Variants in ALAD observed in about 807,000 individuals in gnomAD.
ALAD encodes aminolevulinate dehydratase, also known as delta-aminolevulinic acid dehydratase.
ALAD carries 20 observed loss-of-function variants against 44.4 expected under a neutral mutation model. That is an observed-to-expected ratio of 0.45 (90% confidence interval 0.32 to 0.65). ALAD has a LOEUF of 0.65. Ranked by LOEUF, ALAD falls within the 30% of genes least tolerant of loss-of-function variation. ALAD has a pLI of 0.05. For synonymous variants in ALAD, 156 were observed against 167.9 expected (o/e 0.93, Z 0.55); for missense variants, 323 against 445.7 (o/e 0.72, Z 2.48).
Position 113,391,562 on chromosome 9 carries a change from C to G in ALAD, c.226G>C (p.Val76Leu). 6.2e-7 allele frequency: 1 copy of G among 1,614,142 alleles called. No homozygotes were observed. The highest frequency in any genetic ancestry group is 8.5e-7 in the Non-Finnish European group (1 of 1,180,028). Residue 76 changes from valine (V) to leucine (L), a missense_variant, in exon 4 of 12, where the codon GTC becomes CTC. By Grantham distance (32) the Val-to-Leu change is conservative. Coordinates refer to ENST00000409155, the MANE Select transcript of ALAD (RefSeq NM_000031.6). ...RPLVEEGLRC[V>L]LIFGVPSRVP... Reference sequence around the variant, plus strand: ...CTGCTGGGGACGCCAAAGATCAAGACACAGCGTAGGCCCTCTTCCACCAAG... The same window carrying G: ...CTGCTGGGGACGCCAAAGATCAAGAGACAGCGTAGGCCCTCTTCCACCAAG...
intron 4 of ALAD, 150 bp downstream of exon 4, chr9:113,391,377 G>A (rs990809569): frequency 2.7e-6 from 2 of 736,964 alleles, no homozygotes; most frequent in East Asian, 2.7e-5. Context: ...GCTAACTTTT[G>A]TATTTTTTGT....
At chr9:113,400,980 G>A (rs1163892825) in intron 1 of ALAD, among the ~76,000 whole-genome samples, 2 of 152,170 alleles carry the variant, frequency 1.3e-5, no homozygotes, top group East Asian at 3.9e-4. Context: ...ATCCGAGAGG[G>A]TGAACCCCAG....
intron 1 of ALAD, 91 bp from the exon 2 acceptor site, chr9:113,393,725 C>A: frequency 1.6e-6 from 1 of 624,768 alleles, no homozygotes. Context: ...ATTCCTGCCT[C>A]CCCTCTCTCT....
Position 113,396,085 on chromosome 9 carries a change from A to G in ALAD, c.-75-2451T>C, listed in dbSNP as rs556038322. On this transcript the variant is annotated intron_variant, in intron 1 of 11. Transcript: ENST00000409155. The stretch of plus-strand genomic sequence containing the variant: ...GTGGCACATGCCTGTAATCCCAGCT[A>G]CTTCAGAAGCTGAGATAGGAGAATC... 7.9e-5 allele frequency among the ~76,000 whole-genome samples: 12 copies of G among 152,294 alleles called. No individual in the cohort carries two copies. The East Asian group carries it at 2.1e-3, about 27-fold the overall frequency.
At chr9:113,400,198 G>C (rs563916017) in intron 1 of ALAD, among the ~76,000 whole-genome samples, 9 of 152,286 alleles carry the variant, frequency 5.9e-5, no homozygotes, top group East Asian at 5.8e-4. Context: ...TCAGAGAGGG[G>C]TAGACACAGG....
chr9:113,388,214 A>G lies in ALAD; in HGVS notation c.*86T>C. ...GAAGAGGGCATGAGGGCACAGTTCT[A>G]AAAGCAGCATTTACTTTGGTTTTCA... On this transcript the variant is annotated 3_prime_UTR_variant, in exon 12 of 12. Transcript: ENST00000409155. 7.1e-7 allele frequency: 1 copy of G among 1,416,776 alleles called. No homozygotes were observed. Among genetic ancestry groups the G allele is most frequent in the Non-Finnish European group, 1.0e-6 (1 of 1,000,826 alleles). The allele number at this position is 1,416,776 out of a possible 1,614,324, so 87.8% of individuals were successfully genotyped here.
At chr9:113,392,273 T>C (rs1564373395) in intron 2 of ALAD, 104 bp from the exon 3 acceptor site, 2 of 1,598,526 alleles carry the variant, frequency 1.3e-6, no homozygotes, top group Admixed American at 1.7e-5. Flanking sequence ...AATATGGAAG[T>C]GGAGATGGTG....
rs1004155219 is a variant in ALAD at position 113,401,270 on chromosome 9, T to A, written c.-134A>T. On this transcript the variant is annotated 5_prime_UTR_variant, in exon 1 of 12. Transcript: ENST00000409155. ...GTCACCGCTGTCTCCCGCTCCGGTCTCCCACAGACCGCGTAAGAGCGGGGG... is the reference window on the plus strand; with the variant it reads ...GTCACCGCTGTCTCCCGCTCCGGTCACCCACAGACCGCGTAAGAGCGGGGG... The A allele has an allele frequency of 3.3e-5, 5 of 150,180 alleles. No individual in the cohort carries two copies. Among genetic ancestry groups the A allele is most frequent in the Admixed American group, 3.3e-4 (5 of 15,086 alleles). 9.3% of individuals were successfully genotyped at this position (150,180 alleles called of 1,614,324 possible).
chr9:113,390,329 G>C, intron 7 of ALAD, 76 bp downstream of exon 7: 1 of 1,486,274 alleles, frequency 6.7e-7, no homozygotes, highest in East Asian at 2.3e-5. Context: ...GCAGTTCTGT[G>C]ATTCTTAGCA....
chr9:113,400,275 C>A (rs534061768), intron 1 of ALAD, among the ~76,000 whole-genome samples: 1 of 152,294 alleles, frequency 6.6e-6, no homozygotes, highest in East Asian at 1.9e-4. Context: ...GTCCTCAGTG[C>A]CCACCATGAC....
At chr9:113,393,665 A>C (rs1034664630) in intron 1 of ALAD, 31 bp from the exon 2 acceptor site, 1 of 890,726 alleles carries the variant, frequency 1.1e-6, no homozygotes, top group Non-Finnish European at 1.9e-6. Context: ...CACATGAGAC[A>C]TGGTCCCTGT....
rs1760628824 is a variant in ALAD at position 113,389,973 on chromosome 9, A to C, written c.571-145T>G. Reference sequence around the variant, plus strand: ...GGAGTGCTGGGCTTGATTTCCCTGCAGAGGCCCAGAGGTTTAAATGGTTCC... The same window carrying C: ...GGAGTGCTGGGCTTGATTTCCCTGCCGAGGCCCAGAGGTTTAAATGGTTCC... On this transcript the variant is annotated intron_variant, in intron 7 of 11. Transcript: ENST00000409155. 4.2e-6 allele frequency: 4 copies of C among 941,552 alleles called. No individual in the cohort carries two copies. The South Asian group carries it at 5.6e-5, about 13-fold the overall frequency. 58.3% of individuals were successfully genotyped at this position (941,552 alleles called of 1,614,324 possible). A position where few individuals can be genotyped will look rare whatever the true frequency, so the allele number is the denominator to read the frequency against.
chr9:113,391,516 T>C lies in ALAD; in HGVS notation c.261+11A>G, dbSNP rs1827584573. The C allele has an allele frequency of 1.4e-5, 23 of 1,613,320 alleles. No homozygotes were observed. The highest frequency in any genetic ancestry group is 1.9e-5 in the Non-Finnish European group (22 of 1,179,304). On this transcript the variant is annotated intron_variant, in intron 4 of 11. Transcript: ENST00000409155. ...CAACCTCCCTTCTTAGCCCTTCCTT[T>C]GATTCTTCACCTTGGGAACTCTGCT...
At chr9:113,399,837 G>A (rs1016796620) in intron 1 of ALAD, among the ~76,000 whole-genome samples, 1 of 152,182 alleles carries the variant, frequency 6.6e-6, no homozygotes, top group African/African-American at 2.4e-5. Flanking sequence ...CCAGGGAGGA[G>A]GCAGTCAGGA....
At position 113,388,085 on chromosome 9, in the gene ALAD, G is replaced by A. The variant is rs923580768; in HGVS notation, c.*215C>T. ...GCCTCACGGCTGACCCAGGGGAGGG[G>A]CGGGGAAGCTTGGGAGAGCTCATAG... is the stretch of plus-strand genomic sequence containing the variant. On this transcript the variant is annotated 3_prime_UTR_variant, in exon 12 of 12. Transcript: ENST00000409155. 2.3e-5 allele frequency: 14 copies of A among 613,298 alleles called. No homozygotes were observed. The highest frequency in any genetic ancestry group is 3.9e-5 in the Non-Finnish European group (13 of 336,200). The allele number at this position is 613,298 out of a possible 1,614,324, so 38.0% of individuals were successfully genotyped here.
In ALAD at chr9:113,393,460, G is replaced by A. The variant is rs754830142; in HGVS notation, c.100C>T (p.Pro34Ser). The change falls in exon 2 of 12, where the codon CCC becomes TCC. Residue 34 changes from proline to serine, a missense_variant. Physicochemically the swap from Pro to Ser is moderately conservative, Grantham distance 74. Coordinates refer to ENST00000409155, the MANE Select transcript of ALAD (RefSeq NM_000031.6). Reference protein sequence around the residue: ...TTLNASNLIYPIFVTDVPDDI... With the variant: ...TTLNASNLIYSIFVTDVPDDI... ...TTGGAGACTCACGTGACAAAGATGG[G>A]GTAGATGAGGTTGGAGGCATTGAGG... is the stretch of plus-strand genomic sequence containing the variant. 1 of 1,578,758 alleles carries A rather than the reference G, an allele frequency of 6.3e-7. No individual in the cohort carries two copies. Among genetic ancestry groups the A allele is most frequent in the Non-Finnish European group, 8.6e-7 (1 of 1,156,800 alleles).
intron 1 of ALAD, among the ~76,000 whole-genome samples, chr9:113,400,538 T>A (rs1476772560): frequency 6.6e-6 from 1 of 152,132 alleles, no homozygotes; most frequent in Non-Finnish European, 1.5e-5. Flanking sequence ...AATGAATGGG[T>A]CAGGCCGGGC....
chr9:113,395,038 G>C (rs1827689410), intron 1 of ALAD, among the ~76,000 whole-genome samples: 1 of 151,648 alleles, frequency 6.6e-6, no homozygotes, highest in Admixed American at 6.6e-5. Context: ...CTGGGCGACA[G>C]AGCAAGACTT....
chr9:113,389,915 T>C, intron 7 of ALAD, 87 bp from the exon 8 acceptor site: 1 of 1,511,970 alleles, frequency 6.6e-7, no homozygotes, highest in Admixed American at 1.7e-5. Context: ...GAACCTAGGC[T>C]GGGAAGGAGA....
Sources: gnomAD v4.1 joint callset for allele counts (sites outside exome capture counted in the v4.1 genomes callset) on GRCh38, gnomAD v4.1.1 for gene constraint, MANE v1.5 for transcripts, NCBI Gene and HGNC (gene_info 2026-07-23, HGNC 2026-07-21) for gene names.